Variants in GPC5 observed in about 807,000 individuals in gnomAD.
GPC5 encodes the protein glypican-5.
A neutral mutation model predicts 53.9 loss-of-function variants in GPC5; 47 were observed. The observed-to-expected ratio is 0.87, with a 90% CI of 0.69 to 1.11. GPC5 has a LOEUF of 1.11. GPC5 is among the 50% of genes most tolerant of loss of function. GPC5 has a pLI of 0.00. For synonymous variants in GPC5, 286 were observed against 263.3 expected (o/e 1.09, Z -0.84); for missense variants, 748 against 713.1 (o/e 1.05, Z -0.56).
At chr13:91,971,130 C>T (rs559616512) in intron 6 of GPC5, among the ~76,000 whole-genome samples, 64 of 152,202 alleles carry the variant, frequency 4.2e-4, no homozygotes, top group South Asian at 2.5e-3. Context: ...ATTGATTATT[C>T]CCACAATTTC....
chr13:92,835,529 C>T (rs560750649), intron 7 of GPC5, among the ~76,000 whole-genome samples: 10 of 152,024 alleles, frequency 6.6e-5, no homozygotes, highest in East Asian at 1.9e-4. Context: ...TTAATGACTG[C>T]GTAATATTTC....
At chr13:92,389,127 G>A (rs1197049487) in intron 7 of GPC5, among the ~76,000 whole-genome samples, 1 of 152,102 alleles carries the variant, frequency 6.6e-6, no homozygotes, top group East Asian at 1.9e-4. Flanking sequence ...TGGTAGCTAA[G>A]TGCAAGGAAT....
intron 7 of GPC5, among the ~76,000 whole-genome samples, chr13:92,296,875 T>G (rs1170653529): frequency 1.3e-5 from 2 of 152,174 alleles, no homozygotes; most frequent in Non-Finnish European, 2.9e-5. Flanking sequence ...GTGCTCGATT[T>G]CTCGCCGGGC....
At chr13:92,525,876 C>A (rs553797113) in intron 7 of GPC5, among the ~76,000 whole-genome samples, 11 of 152,246 alleles carry the variant, frequency 7.2e-5, no homozygotes, top group African/African-American at 2.6e-4. Context: ...CCCTTATCAA[C>A]TCCTTTCTTA....
chr13:92,494,098 TTG>T (rs1177705143), intron 7 of GPC5, among the ~76,000 whole-genome samples: 5 of 95,832 alleles, frequency 5.2e-5, no homozygotes, highest in Non-Finnish European at 6.9e-5. Context: ...TTGTTTTGTT[TTG>T]TTTTTTTGAG....
chr13:92,128,502 G>A lies in GPC5; in HGVS notation c.1402-16328G>A, dbSNP rs551087083. 9.8e-5 allele frequency among the ~76,000 whole-genome samples: 15 copies of A among 152,300 alleles called. No homozygotes were observed. The South Asian group carries it at 3.1e-3, about 32-fold the overall frequency. ...TGTCCTGGGTTTCTAAAGACCTGTA[G>A]GGTAGTTTCTCAATAACATATCTTA... is the stretch of plus-strand genomic sequence containing the variant. On this transcript the variant is annotated intron_variant, in intron 6 of 7. Coordinates refer to ENST00000377067, the MANE Select transcript of GPC5 (RefSeq NM_004466.6).
At chr13:92,485,382 A>G (rs1298419942) in intron 7 of GPC5, among the ~76,000 whole-genome samples, 2 of 152,178 alleles carry the variant, frequency 1.3e-5, no homozygotes, top group African/African-American at 4.8e-5. Flanking sequence ...AGCCAGAGAA[A>G]ATAAGGTGAG....
chr13:92,247,356 A>G (rs1463960731), intron 7 of GPC5, among the ~76,000 whole-genome samples: 1 of 152,170 alleles, frequency 6.6e-6, no homozygotes, highest in Non-Finnish European at 1.5e-5. Flanking sequence ...TGGATTAGTT[A>G]ACTGTCTTAT....
chr13:91,936,781 G>C (rs2039875580), intron 6 of GPC5, among the ~76,000 whole-genome samples: 1 of 151,980 alleles, frequency 6.6e-6, no homozygotes, highest in African/African-American at 2.4e-5. Flanking sequence ...GAGTCAATTT[G>C]TTTGAGAGTC....
chr13:91,519,642 C>A (rs867377019), intron 2 of GPC5, among the ~76,000 whole-genome samples: 13 of 152,128 alleles, frequency 8.5e-5, no homozygotes, highest in African/African-American at 2.7e-4. Context: ...AATTAAACTT[C>A]TTTTGTTTAT....
chr13:92,286,336 C>T (rs1390337462), intron 7 of GPC5, among the ~76,000 whole-genome samples: 1 of 152,144 alleles, frequency 6.6e-6, no homozygotes, highest in Non-Finnish European at 1.5e-5. Flanking sequence ...GGCGACTCCT[C>T]AAGGATCTAG....
At chr13:91,940,136 T>C (rs2039911501) in intron 6 of GPC5, among the ~76,000 whole-genome samples, 2 of 152,282 alleles carry the variant, frequency 1.3e-5, no homozygotes, top group Middle Eastern at 6.8e-3. Flanking sequence ...CCTGTGCTGC[T>C]GGAAAATCCT....
At chr13:92,199,537 A>G (rs2042279917) in intron 7 of GPC5, among the ~76,000 whole-genome samples, 1 of 152,234 alleles carries the variant, frequency 6.6e-6, no homozygotes, top group South Asian at 2.1e-4. Context: ...TGTTGGAAAT[A>G]AAATATTGAC....
intron 7 of GPC5, among the ~76,000 whole-genome samples, chr13:92,599,611 C>G (rs1279764712): frequency 6.6e-6 from 1 of 152,154 alleles, no homozygotes; most frequent in Non-Finnish European, 1.5e-5. Flanking sequence ...CAGAGCAGAA[C>G]TATTGATGGT....
intron 2 of GPC5, among the ~76,000 whole-genome samples, chr13:91,557,726 G>A (rs1487229836): frequency 1.2e-4 from 19 of 152,214 alleles, no homozygotes; most frequent in Admixed American, 9.8e-4. Flanking sequence ...GAACAAGTAC[G>A]TGGTTATTAG....
At chr13:91,736,826 T>A (rs1415918862) in intron 4 of GPC5, among the ~76,000 whole-genome samples, 1 of 151,142 alleles carries the variant, frequency 6.6e-6, no homozygotes, top group Non-Finnish European at 1.5e-5. Flanking sequence ...TTCCAGAAAA[T>A]GGAATGAGAA....
chr13:92,321,630 TACATACATACA>T (rs1167750891), intron 7 of GPC5, among the ~76,000 whole-genome samples: 3 of 151,794 alleles, frequency 2.0e-5, no homozygotes, highest in African/African-American at 7.3e-5. Flanking sequence ...CATACATACA[TACATACATACA>T]TACATACAAT....
chr13:91,844,005 A>T (rs777691653), intron 5 of GPC5, among the ~76,000 whole-genome samples: 2 of 152,264 alleles, frequency 1.3e-5, no homozygotes, highest in South Asian at 4.1e-4. Flanking sequence ...TATTTTAGGT[A>T]TGGGAAAATA....
chr13:92,527,338 GC>G (rs1881401342), intron 7 of GPC5, among the ~76,000 whole-genome samples: 2 of 152,202 alleles, frequency 1.3e-5, no homozygotes, highest in Middle Eastern at 3.4e-3. Flanking sequence ...CCATATTTAT[GC>G]GTCCAACAGA....
Sources: allele counts gnomAD v4.1 joint callset (sites outside exome capture counted in the v4.1 genomes callset), GRCh38; gene constraint gnomAD v4.1.1; transcripts MANE v1.5; gene names NCBI Gene and HGNC (gene_info 2026-07-23, HGNC 2026-07-21).